The following PSAP variants were observed in gnomAD, a reference collection of about 807,000 sequenced individuals.
PSAP encodes prosaposin.
In PSAP, 25 loss-of-function variants were observed where a neutral mutation model predicts 66.0. That is an observed-to-expected ratio of 0.38 (90% CI 0.28 to 0.53). The LOEUF is 0.53. Among genes scored for constraint, PSAP ranks in the 20% least tolerant of loss-of-function variants. PSAP has a pLI of 0.83. For missense variants in PSAP, 649 were observed against 668.8 expected (o/e 0.97, Z 0.33); for synonymous variants, 273 against 258.9 (o/e 1.05, Z -0.52).
intron 7 of PSAP, 79 bp downstream of exon 7, chr10:71,825,758 A>G (rs1478841026): frequency 3.6e-6 from 5 of 1,374,006 alleles, no homozygotes; most frequent in South Asian, 2.3e-5. Flanking sequence ...ACTAAACCAT[A>G]TAATTTTCAA....
At chr10:71,821,751 A>G in intron 8 of PSAP, 125 bp downstream of exon 8, 1 of 1,339,992 alleles carries the variant, frequency 7.5e-7, no homozygotes, top group South Asian at 1.2e-5. Flanking sequence ...TCACAAACTC[A>G]AAGACCTTTA....
intron 1 of PSAP, among the ~76,000 whole-genome samples, chr10:71,841,891 A>G (rs1371804056): frequency 1.3e-5 from 2 of 152,096 alleles, no homozygotes; most frequent in Non-Finnish European, 2.9e-5. Context: ...CTGTGGTCCC[A>G]GCTACTCAAG....
intron 1 of PSAP, among the ~76,000 whole-genome samples, chr10:71,847,062 T>C (rs1264333238): frequency 6.6e-6 from 1 of 152,092 alleles, no homozygotes; most frequent in South Asian, 2.1e-4. Flanking sequence ...ATGGTCTCAC[T>C]CACCAAGAAA....
intron 3 of PSAP, 72 bp downstream of exon 3, chr10:71,831,774 G>A (rs1842523464): frequency 6.9e-7 from 1 of 1,449,588 alleles, no homozygotes; most frequent in Admixed American, 1.7e-5. Context: ...TAGACACCCG[G>A]AATCACAGCT....
intron 11 of PSAP, 173 bp downstream of exon 11, chr10:71,819,292 T>C: frequency 9.1e-7 from 1 of 1,098,936 alleles, no homozygotes; most frequent in Non-Finnish European, 1.3e-6. Context: ...CTACTTCAGG[T>C]TGCTTCCCCC....
chr10:71,816,672 C>G lies in PSAP; in HGVS notation c.*769G>C. 5.8e-6 allele frequency: 2 copies of G among 342,282 alleles called. No individual in the cohort carries two copies. Among genetic ancestry groups the G allele is most frequent in the South Asian group, 2.2e-5 (1 of 45,764 alleles). The allele number at this position is 342,282 out of a possible 1,614,324, so 21.2% of individuals were successfully genotyped here. On this transcript the variant is annotated 3_prime_UTR_variant, in exon 14 of 14. Coordinates refer to ENST00000394936, the MANE Select transcript of PSAP (RefSeq NM_002778.4). ...GCAACACGAGCAGGCACAGCGCGGC[C>G]ACCACTGTCCACACGCTCACACAAG...
chr10:71,847,192 C>T (rs558693289), intron 1 of PSAP, among the ~76,000 whole-genome samples: 1 of 152,278 alleles, frequency 6.6e-6, no homozygotes, highest in South Asian at 2.1e-4. Context: ...CGGTGGCTCA[C>T]ACCTGTAATC....
intron 2 of PSAP, among the ~76,000 whole-genome samples, chr10:71,832,291 G>A (rs1842535834): frequency 6.6e-6 from 1 of 151,916 alleles, no homozygotes; most frequent in South Asian, 2.1e-4. Flanking sequence ...AGAAACAAAC[G>A]CCCCACCCAC....
In PSAP at chr10:71,819,219, C is replaced by T. The variant is rs1842240636; in HGVS notation, c.1351-108G>A. 4.4e-6 allele frequency: 5 copies of T among 1,124,770 alleles called. No individual in the cohort carries two copies. In the East Asian group the frequency reaches 7.6e-5, roughly 17 times the overall value. The allele number at this position is 1,124,770 out of a possible 1,614,324, so 69.7% of individuals were successfully genotyped here. A position where few individuals can be genotyped will look rare whatever the true frequency, so the allele number is the denominator to read the frequency against. ...TACACTGTTCCCTGAGAGCTCCTGGCATTCCCAGCCCACTGGGTCCTGGGG... is the reference window on the plus strand; with the variant it reads ...TACACTGTTCCCTGAGAGCTCCTGGTATTCCCAGCCCACTGGGTCCTGGGG... On this transcript the variant is annotated intron_variant, in intron 11 of 13. Coordinates refer to ENST00000394936, the MANE Select transcript of PSAP (RefSeq NM_002778.4).
chr10:71,845,482 TAAAAAG>T (rs1004529871), intron 1 of PSAP, among the ~76,000 whole-genome samples: 1 of 152,084 alleles, frequency 6.6e-6, no homozygotes, highest in African/African-American at 2.4e-5. Flanking sequence ...CTATTTGTGT[TAAAAAG>T]AAAAAAGGCA....
At chr10:71,823,813 A>AC (rs1010921080) in intron 7 of PSAP, 16 of 1,052,380 alleles carry the variant, frequency 1.5e-5, no homozygotes, top group Middle Eastern at 2.4e-4. Flanking sequence ...ATCATGCCAT[A>AC]CCCAAAAAAA....
chr10:71,819,005 G>A (rs1281200898), intron 12 of PSAP, 26 bp downstream of exon 12: 2 of 1,605,572 alleles, frequency 1.2e-6, no homozygotes, highest in South Asian at 1.1e-5. Context: ...CTGCCCGAGA[G>A]GACCACACCA....
At chr10:71,841,626 C>T (rs1842735364) in intron 1 of PSAP, among the ~76,000 whole-genome samples, 1 of 152,046 alleles carries the variant, frequency 6.6e-6, no homozygotes, top group Non-Finnish European at 1.5e-5. Context: ...ATCCAAGCAC[C>T]GTGGGAGGCA....
At chr10:71,823,541 G>A (rs1487612739) in intron 7 of PSAP, among the ~76,000 whole-genome samples, 3 of 152,220 alleles carry the variant, frequency 2.0e-5, no homozygotes, top group African/African-American at 7.2e-5. Flanking sequence ...ACTGGCCTAC[G>A]TTGAAGGAGG....
intron 8 of PSAP, among the ~76,000 whole-genome samples, chr10:71,821,523 G>A (rs1842300004): frequency 1.3e-5 from 2 of 152,196 alleles, no homozygotes; most frequent in African/African-American, 4.8e-5. Flanking sequence ...GGAACATCCA[G>A]TCTGTCAGGG....
intron 1 of PSAP, among the ~76,000 whole-genome samples, chr10:71,836,470 G>A (rs1283469393): frequency 1.3e-5 from 2 of 152,064 alleles, no homozygotes; most frequent in African/African-American, 4.8e-5. Context: ...ACCCTAGCAG[G>A]CCCTGGGCCC....
Position 71,817,292 on chromosome 10 carries a change from A to G in PSAP, c.*149T>C. On this transcript the variant is annotated 3_prime_UTR_variant, in exon 14 of 14. Transcript: ENST00000394936. ...GCTAGGGGCTCCCTTGCAGACAGCA[A>G]TGCTACAATAAAGGACACAGAAATG... is the stretch of plus-strand genomic sequence containing the variant. The G allele has an allele frequency of 1.1e-6, 1 of 883,630 alleles. No homozygotes were observed. The highest frequency in any genetic ancestry group is 1.9e-6 in the Non-Finnish European group (1 of 524,160). The allele number at this position is 883,630 out of a possible 1,614,324, so 54.7% of individuals were successfully genotyped here.
chr10:71,851,238 G>C lies in PSAP; in HGVS notation c.-17C>G, dbSNP rs779356910. On this transcript the variant is annotated 5_prime_UTR_variant, in exon 1 of 14. Transcript: ENST00000394936. ...GGCGTACATAGCGCCGTCTGACTCC[G>C]CAGTCTGCAATGCGGAGCGTCAGCT... is the stretch of plus-strand genomic sequence containing the variant. The C allele has an allele frequency of 1.3e-6, 2 of 1,550,790 alleles. No individual in the cohort carries two copies. Among genetic ancestry groups the C allele is most frequent in the East Asian group, 4.9e-5 (2 of 40,912 alleles).
chr10:71,850,684 C>G (rs538350123), intron 1 of PSAP, among the ~76,000 whole-genome samples: 14 of 152,368 alleles, frequency 9.2e-5, no homozygotes, highest in Non-Finnish European at 1.5e-4. Context: ...AGAGTAAATA[C>G]ATATGCAAAC....
Sources: allele counts gnomAD v4.1 joint callset (sites outside exome capture counted in the v4.1 genomes callset), GRCh38; gene constraint gnomAD v4.1.1; transcripts MANE v1.5; gene names NCBI Gene and HGNC (gene_info 2026-07-23, HGNC 2026-07-21).